The following COG5 variants were observed in gnomAD, a reference collection of about 807,000 sequenced individuals.
The protein encoded by COG5 is component of oligomeric golgi complex 5, also known as conserved oligomeric Golgi complex subunit 5.
COG5 carries 86 observed loss-of-function variants against 110.4 expected under a neutral mutation model. The observed-to-expected ratio is 0.78, with a 90% CI of 0.65 to 0.93. COG5 has a LOEUF of 0.93. Ranked by LOEUF, COG5 falls within the 40% of genes least tolerant of loss-of-function variation. The probability of loss-of-function intolerance (pLI) is 0.00; values close to 1 mark genes in which losing one functional copy is unlikely to be tolerated. For synonymous variants in COG5, 360 were observed against 334.6 expected (o/e 1.08, Z -0.83); for missense variants, 1,077 against 987.0 (o/e 1.09, Z -1.22).
At chr7:107,476,184 T>TAAA (rs34741713) in intron 6 of COG5, among the ~76,000 whole-genome samples, 1 of 44,052 alleles carries the variant, frequency 2.3e-5, no homozygotes, top group East Asian at 7.0e-4. Context: ...GCAATGATTT[T>TAAA]AAAAAAAAAA....
chr7:107,315,660 T>C (rs1006539379), intron 11 of COG5, among the ~76,000 whole-genome samples: 3 of 152,096 alleles, frequency 2.0e-5, no homozygotes, highest in Non-Finnish European at 4.4e-5. Context: ...TGCCAAAACA[T>C]TACTTACTTA....
intron 2 of COG5, among the ~76,000 whole-genome samples, chr7:107,557,775 T>A (rs1803432537): frequency 6.6e-6 from 1 of 152,234 alleles, no homozygotes; most frequent in African/African-American, 2.4e-5. Context: ...ATGAAAGGCT[T>A]TGGTGAGGTG....
chr7:107,352,218 C>G (rs1480459483), intron 10 of COG5, among the ~76,000 whole-genome samples: 1 of 143,716 alleles, frequency 7.0e-6, no homozygotes, highest in Non-Finnish European at 1.5e-5. Flanking sequence ...GACAAAAAAC[C>G]AAACACCGCA....
chr7:107,495,146 C>T (rs1486396706), intron 6 of COG5, among the ~76,000 whole-genome samples: 2 of 152,102 alleles, frequency 1.3e-5, no homozygotes, highest in Admixed American at 1.3e-4. Context: ...TGGCAGAAAG[C>T]TGGGGCCTTA....
At chr7:107,489,186 A>G (rs959055955) in intron 6 of COG5, among the ~76,000 whole-genome samples, 12 of 152,216 alleles carry the variant, frequency 7.9e-5, no homozygotes, top group Non-Finnish European at 1.2e-4. Context: ...ATGCCTGGTT[A>G]ATGTCCTTAA....
chr7:107,563,327 G>A (rs1275236834), intron 1 of COG5, among the ~76,000 whole-genome samples: 1 of 152,088 alleles, frequency 6.6e-6, no homozygotes, highest in Non-Finnish European at 1.5e-5. Flanking sequence ...TGTAAGAGGG[G>A]TCACCTGTAC....
At chr7:107,306,122 A>G (rs1015058580) in intron 11 of COG5, among the ~76,000 whole-genome samples, 4 of 152,192 alleles carry the variant, frequency 2.6e-5, no homozygotes, top group Non-Finnish European at 4.4e-5. Flanking sequence ...AAATACTTAT[A>G]TACTGTAAAG....
intron 10 of COG5, among the ~76,000 whole-genome samples, chr7:107,346,000 T>C (rs1482712266): frequency 6.6e-6 from 1 of 152,208 alleles, no homozygotes; most frequent in Non-Finnish European, 1.5e-5. Context: ...GCATTAATTA[T>C]ATAACAGAAC....
chr7:107,286,598 T>G (rs779370726), intron 12 of COG5, among the ~76,000 whole-genome samples: 1 of 152,184 alleles, frequency 6.6e-6, no homozygotes, highest in Non-Finnish European at 1.5e-5. Context: ...AAGGTCAAAG[T>G]AATAACCTAA....
chr7:107,510,869 A>G (rs1349691358), intron 6 of COG5, among the ~76,000 whole-genome samples: 1 of 152,238 alleles, frequency 6.6e-6, no homozygotes, highest in Non-Finnish European at 1.5e-5. Flanking sequence ...ACAACATACC[A>G]GTATCTCTGG....
chr7:107,401,188 G>A (rs1791397021), intron 7 of COG5, among the ~76,000 whole-genome samples: 3 of 152,022 alleles, frequency 2.0e-5, no homozygotes, highest in African/African-American at 4.8e-5. Context: ...GATTTTGGGT[G>A]TTATGTAAGA....
rs903133315 is a variant in COG5 at position 107,322,307 on chromosome 7, G to A, written c.1108+2133C>T. Reference sequence around the variant, plus strand: ...TTCCCTATCCTTTTCTAACACGTGAGGACACAGTCAGAAGGCACAGTCTAT... The same window carrying A: ...TTCCCTATCCTTTTCTAACACGTGAAGACACAGTCAGAAGGCACAGTCTAT... On this transcript the variant is annotated intron_variant, in intron 11 of 21. Coordinates refer to ENST00000297135, the MANE Select transcript of COG5 (RefSeq NM_006348.5). Among the ~76,000 whole-genome samples, 7 of 152,144 alleles carry A rather than the reference G, an allele frequency of 4.6e-5. 1 individual carries two copies. Among genetic ancestry groups the A allele is most frequent in the Admixed American group, 4.6e-4 (7 of 15,268 alleles).
At chr7:107,462,428 G>C (rs1796051159) in intron 6 of COG5, among the ~76,000 whole-genome samples, 1 of 152,038 alleles carries the variant, frequency 6.6e-6, no homozygotes, top group African/African-American at 2.4e-5. Flanking sequence ...CATGGTGCAG[G>C]CTTGAGGGAA....
chr7:107,532,640 C>T (rs1049948750), intron 5 of COG5, among the ~76,000 whole-genome samples: 3 of 151,962 alleles, frequency 2.0e-5, no homozygotes, highest in Non-Finnish European at 4.4e-5. Context: ...AGGATTTAGC[C>T]TTCTTACATC....
intron 10 of COG5, among the ~76,000 whole-genome samples, chr7:107,351,585 T>C (rs1281491588): frequency 6.6e-6 from 1 of 152,030 alleles, no homozygotes; most frequent in South Asian, 2.1e-4. Context: ...ATATCTAGAA[T>C]CTACAATAAA....
chr7:107,481,363 A>T (rs1294154862), intron 6 of COG5, among the ~76,000 whole-genome samples: 3 of 152,182 alleles, frequency 2.0e-5, no homozygotes, highest in South Asian at 4.1e-4. Context: ...TTGAAAAATT[A>T]AAATTTAAAT....
chr7:107,494,050 A>C (rs918275833), intron 6 of COG5, among the ~76,000 whole-genome samples: 1 of 152,206 alleles, frequency 6.6e-6, no homozygotes, highest in Non-Finnish European at 1.5e-5. Context: ...GGTACTTGAC[A>C]ACATTCTTAT....
At chr7:107,546,156 A>C (rs1802428746) in intron 5 of COG5, among the ~76,000 whole-genome samples, 1 of 152,220 alleles carries the variant, frequency 6.6e-6, no homozygotes, top group Admixed American at 6.5e-5. Flanking sequence ...TTAAAAGAGA[A>C]GTTTTAAAAT....
chr7:107,237,951 C>T (rs573506066), intron 17 of COG5, among the ~76,000 whole-genome samples: 26 of 152,086 alleles, frequency 1.7e-4, no homozygotes, highest in African/African-American at 6.3e-4. Context: ...CCTCCCTATC[C>T]GAAAATGGTG....
Sources: allele counts gnomAD v4.1 joint callset (sites outside exome capture counted in the v4.1 genomes callset), GRCh38; gene constraint gnomAD v4.1.1; transcripts MANE v1.5; gene names NCBI Gene and HGNC (gene_info 2026-07-23, HGNC 2026-07-21).